CKAP5: variants seen among roughly 807,000 people sequenced by gnomAD.
CKAP5 encodes cytoskeleton-associated protein 5.
CKAP5 carries 27 observed loss-of-function variants against 232.8 expected under a neutral mutation model. The ratio of observed to expected loss-of-function variants is 0.12; its 90% confidence interval spans 0.09 to 0.16. The LOEUF (loss-of-function observed/expected upper bound fraction) is 0.16, where lower values mean the gene tolerates loss of function less well. Ranked by LOEUF, CKAP5 falls within the 10% of genes least tolerant of loss-of-function variation. The pLI is 1.00. For missense variants in CKAP5, 1,838 were observed against 2,424.7 expected, an observed-to-expected ratio of 0.76 and a Z score of 5.08; for synonymous variants, 785 against 841.1, an observed-to-expected ratio of 0.93 and a Z score of 1.16.
chr11:46,797,760 T>C (rs765157615), intron 11 of CKAP5, 45 bp downstream of exon 11: 3 of 1,554,018 alleles, frequency 1.9e-6, no homozygotes. Context: ...AAAAGAATCT[T>C]GCCTAGGTAT....
chr11:46,797,675 C>T, intron 11 of CKAP5, 130 bp downstream of exon 11: 1 of 869,898 alleles, frequency 1.1e-6, no homozygotes, highest in Non-Finnish European at 1.7e-6. Flanking sequence ...TTCCAAGCTG[C>T]AAAGGCTCTG....
At chr11:46,812,320 G>T (rs547538394) in intron 4 of CKAP5, among the ~76,000 whole-genome samples, 1 of 151,924 alleles carries the variant, frequency 6.6e-6, no homozygotes, top group Non-Finnish European at 1.5e-5. Context: ...GGGCAACAGA[G>T]CAAGGTTCCG....
intron 1 of CKAP5, among the ~76,000 whole-genome samples, chr11:46,827,851 T>C (rs925315645): frequency 6.6e-6 from 1 of 152,210 alleles, no homozygotes; most frequent in Non-Finnish European, 1.5e-5. Context: ...CTCTGAGATC[T>C]CCAAAGGTTA....
intron 22 of CKAP5, 50 bp from the exon 23 acceptor site, chr11:46,777,602 T>C (rs745991233): frequency 1.5e-6 from 2 of 1,321,046 alleles, no homozygotes; most frequent in Non-Finnish European, 1.1e-6. Context: ...GCAAGTTGTG[T>C]GCAAACTTCC....
rs1413147621 is a variant in CKAP5 at position 46,760,603 on chromosome 11, T to C, written c.4394+9A>G. The C allele has an allele frequency of 1.9e-6, 3 of 1,613,866 alleles. No homozygotes were observed. The South Asian group carries it at 3.3e-5, about 18-fold the overall frequency. On this transcript the variant is annotated intron_variant, in intron 33 of 43. Coordinates refer to ENST00000529230, the MANE Select transcript of CKAP5 (RefSeq NM_001008938.4). ...AGATGCTCTCAGACAAGTATCTCTA[T>C]CTACATACTTGAGTTTGGAAGACAT... is the stretch of plus-strand genomic sequence containing the variant.
chr11:46,786,811 G>A (rs763702537), intron 16 of CKAP5, among the ~76,000 whole-genome samples: 33 of 152,176 alleles, frequency 2.2e-4, no homozygotes, highest in Middle Eastern at 3.4e-3. Context: ...ATGACCCAGC[G>A]CGCACACACA....
chr11:46,778,026 T>C (rs995571689), intron 22 of CKAP5, 113 bp downstream of exon 22: 3 of 820,238 alleles, frequency 3.7e-6, no homozygotes, highest in Non-Finnish European at 5.8e-6. Context: ...TATTTCTAGT[T>C]CAAAGCAAAT....
chr11:46,824,821 A>G (rs1939617390), intron 1 of CKAP5, among the ~76,000 whole-genome samples: 1 of 152,240 alleles, frequency 6.6e-6, no homozygotes, highest in African/African-American at 2.4e-5. Flanking sequence ...TTTGATGCCT[A>G]AAGAGCAAAT....
chr11:46,834,672 T>C (rs893018301), intron 1 of CKAP5, among the ~76,000 whole-genome samples: 8 of 152,112 alleles, frequency 5.3e-5, no homozygotes, highest in Admixed American at 2.0e-4. Flanking sequence ...GATTCACTAT[T>C]AAAAAATTAT....
At chr11:46,790,765 G>C (rs577893973) in intron 13 of CKAP5, among the ~76,000 whole-genome samples, 182 bp from the exon 14 acceptor site, 1 of 152,068 alleles carries the variant, frequency 6.6e-6, no homozygotes, top group African/African-American at 2.4e-5. Flanking sequence ...TCCCACCTCA[G>C]CCTACTGTGT....
At chr11:46,826,196 T>A (rs1393461738) in intron 1 of CKAP5, among the ~76,000 whole-genome samples, 1 of 152,088 alleles carries the variant, frequency 6.6e-6, no homozygotes, top group African/African-American at 2.4e-5. Context: ...ATTGTGCTCT[T>A]TATATCAGGA....
At chr11:46,749,753 A>C (rs2065048956) in intron 42 of CKAP5, among the ~76,000 whole-genome samples, 1 of 151,988 alleles carries the variant, frequency 6.6e-6, no homozygotes, top group African/African-American at 2.4e-5. Flanking sequence ...CAGGAGTTCC[A>C]GACCAGCCTA....
chr11:46,769,833 A>G (rs2065233248), intron 26 of CKAP5, 130 bp downstream of exon 26: 1 of 996,654 alleles, frequency 1.0e-6, no homozygotes, highest in Non-Finnish European at 1.5e-6. Context: ...AAGGAAAGTA[A>G]GCAGAGAAGG....
In CKAP5 at chr11:46,743,082, C is replaced by T. The variant is rs939019876; in HGVS notation, c.*941G>A. 2 of 152,150 alleles carry T rather than the reference C, an allele frequency of 1.3e-5. No homozygotes were observed. Among genetic ancestry groups the T allele is most frequent in the African/African-American group, 4.8e-5 (2 of 41,434 alleles). The allele number at this position is 152,150 out of a possible 1,614,324, so 9.4% of individuals were successfully genotyped here. On this transcript the variant is annotated 3_prime_UTR_variant, in exon 44 of 44. Transcript: ENST00000529230. ...GACTGAATGTGAAGCAACTGTTAGC[C>T]TGGACCAAAAGAGACTCATACAACC... is the stretch of plus-strand genomic sequence containing the variant.
chr11:46,810,863 A>G, intron 5 of CKAP5, 144 bp downstream of exon 5: 1 of 686,396 alleles, frequency 1.5e-6, no homozygotes, highest in Non-Finnish European at 2.3e-6. Context: ...AATTGCTGAG[A>G]AAGTTAGCTA....
chr11:46,816,161 T>G, intron 4 of CKAP5, 37 bp downstream of exon 4: 1 of 1,558,652 alleles, frequency 6.4e-7, no homozygotes, highest in South Asian at 1.1e-5. Flanking sequence ...GGTTGGGGAC[T>G]GCTGCTCTAG....
chr11:46,817,685 T>C (rs1939435375), intron 3 of CKAP5, among the ~76,000 whole-genome samples: 1 of 152,050 alleles, frequency 6.6e-6, no homozygotes, highest in African/African-American at 2.4e-5. Context: ...TTTTTTTTTG[T>C]ATGGAGGGTT....
rs752670102 is a variant in CKAP5, at chr11:46,751,149, T to C, written c.5429A>G (p.Asp1810Gly). The C allele has an allele frequency of 6.2e-7, 1 of 1,614,180 alleles. No homozygotes were observed. ...HSMDQTGSKS[D>G]KETEKGASRI... Reference sequence around the variant, plus strand: ...AGATGCTCCCTTTTCTGTTTCCTTATCAGACTTGCTCCCAGTCTGGTCCAT... The same window carrying C: ...AGATGCTCCCTTTTCTGTTTCCTTACCAGACTTGCTCCCAGTCTGGTCCAT... Residue 1810 changes from aspartate (D) to glycine (G), a missense_variant, in exon 40 of 44, where the codon GAT becomes GGT. Asp to Gly is a moderately conservative substitution (Grantham distance 94). Transcript: ENST00000529230.
At chr11:46,819,676 A>C (rs1939483830) in intron 2 of CKAP5, among the ~76,000 whole-genome samples, 1 of 152,162 alleles carries the variant, frequency 6.6e-6, no homozygotes, top group East Asian at 1.9e-4. Context: ...GAATTGATTC[A>C]ATTAATGTAA....
Sources: gnomAD v4.1 joint callset for allele counts (sites outside exome capture counted in the v4.1 genomes callset) on GRCh38, gnomAD v4.1.1 for gene constraint, MANE v1.5 for transcripts, NCBI Gene and HGNC (gene_info 2026-07-23, HGNC 2026-07-21) for gene names.